Variants in GBF1 observed in about 807,000 individuals in gnomAD.
The protein encoded by GBF1 is Golgi-specific brefeldin A-resistance guanine nucleotide exchange factor 1.
GBF1 carries 114 observed loss-of-function variants against 210.5 expected under a neutral mutation model. That is an observed-to-expected ratio of 0.54 (90% confidence interval 0.47 to 0.63). The LOEUF is 0.63. Among genes scored for constraint, GBF1 ranks in the 30% least tolerant of loss-of-function variants. GBF1 has a pLI of 0.00. For missense variants in GBF1, 1,851 were observed against 2,357.7 expected, an observed-to-expected ratio of 0.79 and a Z score of 4.45; for synonymous variants, 850 against 889.2, an observed-to-expected ratio of 0.96 and a Z score of 0.78.
chr10:102,379,691 T>C, intron 35 of GBF1, 40 bp downstream of exon 35: 1 of 1,611,818 alleles, frequency 6.2e-7, no homozygotes, highest in Non-Finnish European at 8.5e-7. Context: ...GTTCAAATCC[T>C]AAGAAAAGGA....
chr10:102,377,170 T>TC, intron 33 of GBF1, 30 bp downstream of exon 33: 1 of 1,562,938 alleles, frequency 6.4e-7, no homozygotes, highest in Non-Finnish European at 8.8e-7. Flanking sequence ...CTTCCTCTCC[T>TC]CCCCTGCACC....
intron 3 of GBF1, among the ~76,000 whole-genome samples, chr10:102,270,027 C>T (rs1426665635): frequency 9.9e-5 from 15 of 151,440 alleles, no homozygotes; most frequent in Admixed American, 2.6e-4. Flanking sequence ...TACAGGCGGC[C>T]GCCACCATGC....
intron 3 of GBF1, among the ~76,000 whole-genome samples, chr10:102,325,550 CAAAAAAA>C (rs140406517): frequency 1.0e-4 from 10 of 96,394 alleles, no homozygotes; most frequent in Non-Finnish European, 6.1e-5. Context: ...GACTCCGTCT[CAAAAAAA>C]AAAAAAAAAG....
At chr10:102,286,711 G>A (rs1391358444) in intron 3 of GBF1, among the ~76,000 whole-genome samples, 1 of 152,044 alleles carries the variant, frequency 6.6e-6, no homozygotes, top group Admixed American at 6.6e-5. Flanking sequence ...TACAAATATC[G>A]GAATTCAGTG....
intron 3 of GBF1, among the ~76,000 whole-genome samples, chr10:102,289,061 C>T (rs1244658904): frequency 2.0e-5 from 3 of 150,954 alleles, no homozygotes; most frequent in Non-Finnish European, 4.4e-5. Flanking sequence ...CAAGATCATG[C>T]CACTGCACTC....
At chr10:102,365,704 A>G in intron 18 of GBF1, 105 bp downstream of exon 18, 1 of 945,608 alleles carries the variant, frequency 1.1e-6, no homozygotes, top group Non-Finnish European at 1.7e-6. Flanking sequence ...CGAGCTCAGG[A>G]GTTCAAGACC....
At chr10:102,259,873 C>T (rs942170077) in intron 2 of GBF1, among the ~76,000 whole-genome samples, 177 bp from the exon 3 acceptor site, 4 of 152,014 alleles carry the variant, frequency 2.6e-5, no homozygotes, top group African/African-American at 4.8e-5. Flanking sequence ...AGTATCTCTA[C>T]GAAATAAGAG....
intron 3 of GBF1, among the ~76,000 whole-genome samples, chr10:102,271,889 C>A (rs188050106): frequency 6.6e-6 from 1 of 151,452 alleles, no homozygotes; most frequent in East Asian, 2.0e-4. Flanking sequence ...GTAGCTGGGA[C>A]TACAGGTGCA....
intron 4 of GBF1, among the ~76,000 whole-genome samples, chr10:102,345,388 C>T (rs1453059704): frequency 6.6e-6 from 1 of 151,384 alleles, no homozygotes; most frequent in Non-Finnish European, 1.5e-5. Flanking sequence ...CACAGTGGCT[C>T]ATGCCTGTAA....
At chr10:102,289,791 G>T (rs2133626299) in intron 3 of GBF1, among the ~76,000 whole-genome samples, 1 of 152,192 alleles carries the variant, frequency 6.6e-6, no homozygotes, top group East Asian at 1.9e-4. Flanking sequence ...AGGCAAACAA[G>T]AACAAAAACC....
At chr10:102,307,789 G>A (rs930546353) in intron 3 of GBF1, among the ~76,000 whole-genome samples, 3 of 151,826 alleles carry the variant, frequency 2.0e-5, no homozygotes, top group East Asian at 1.9e-4. Context: ...GCAAGACGCC[G>A]TCTCAAAAAA....
the GBF1 span, among the ~76,000 whole-genome samples, chr10:102,237,528 A>G: frequency 1.1e-4 from 16 of 152,248 alleles, no homozygotes; most frequent in Admixed American, 2.0e-4. Flanking sequence ...AGGCTACAGT[A>G]TGTCCAGCTT....
chr10:102,357,107 A>G (rs1261766915), intron 8 of GBF1, among the ~76,000 whole-genome samples: 1 of 152,070 alleles, frequency 6.6e-6, no homozygotes, highest in African/African-American at 2.4e-5. Flanking sequence ...TCTATCCTGA[A>G]CTCCACAAAG....
intron 1 of GBF1, among the ~76,000 whole-genome samples, chr10:102,248,725 T>G (rs1179675758): frequency 6.6e-6 from 1 of 152,094 alleles, no homozygotes; most frequent in Non-Finnish European, 1.5e-5. Context: ...AGCCTTGACC[T>G]CTGGGCTCAA....
chr10:102,350,896 C>T (rs2134767408), intron 4 of GBF1, among the ~76,000 whole-genome samples: 1 of 152,072 alleles, frequency 6.6e-6, no homozygotes, highest in Admixed American at 6.6e-5. Flanking sequence ...CCAGCCTAGC[C>T]AACATGGCAA....
chr10:102,282,046 C>T, intron 3 of GBF1, among the ~76,000 whole-genome samples: 1 of 151,422 alleles, frequency 6.6e-6, no homozygotes, highest in East Asian at 1.9e-4. Context: ...CCTGCCTCAG[C>T]CTCCTGAGTA....
chr10:102,256,027 C>G (rs2072308213), intron 1 of GBF1, among the ~76,000 whole-genome samples: 1 of 152,188 alleles, frequency 6.6e-6, no homozygotes, highest in South Asian at 2.1e-4. Context: ...TTCACCGCAG[C>G]CTCAATCTAC....
chr10:102,307,380 A>G (rs537286353), intron 3 of GBF1, among the ~76,000 whole-genome samples: 8 of 151,884 alleles, frequency 5.3e-5, no homozygotes, highest in Admixed American at 4.6e-4. Context: ...TATATGAAAT[A>G]CAGTACATTT....
chr10:102,275,546 A>G (rs770622558), intron 3 of GBF1, among the ~76,000 whole-genome samples: 3 of 152,178 alleles, frequency 2.0e-5, no homozygotes, highest in Admixed American at 6.5e-5. Context: ...ACTTTCTAAA[A>G]GAGAAAGTTG....
Sources: gnomAD v4.1 joint callset for allele counts (sites outside exome capture counted in the v4.1 genomes callset) on GRCh38, gnomAD v4.1.1 for gene constraint, MANE v1.5 for transcripts, NCBI Gene and HGNC (gene_info 2026-07-23, HGNC 2026-07-21) for gene names.